The following CACNB2 variants were observed in gnomAD, a reference collection of about 807,000 sequenced individuals.
CACNB2 encodes the protein voltage-dependent L-type calcium channel subunit beta-2.
CACNB2 carries 42 observed loss-of-function variants against 73.3 expected under a neutral mutation model. The ratio of observed to expected loss-of-function variants is 0.57; its 90% CI spans 0.45 to 0.74. The LOEUF is 0.74. Among genes scored for constraint, CACNB2 ranks in the 30% least tolerant of loss-of-function variants. CACNB2 has a pLI of 0.00. For synonymous variants in CACNB2, 348 were observed against 310.3 expected (o/e 1.12, Z -1.28); for missense variants, 940 against 853.0 (o/e 1.10, Z -1.27).
At position 18,299,067 on chromosome 10, in the gene CACNB2, T is replaced by TTA. The variant is rs1319273329; in HGVS notation, c.214-102857_214-102856insTA. Among the ~76,000 whole-genome samples the TTA allele has an allele frequency of 9.9e-4, 120 of 120,980 alleles. 1 individual carries two copies. Among genetic ancestry groups the TTA allele is most frequent in the African/African-American group, 3.9e-3 (118 of 30,154 alleles). The allele number at this position is 120,980 out of a possible 152,430, so 79.4% of individuals were successfully genotyped here. ...ATGTACCCTAAAACTTAAAGTATAC[T>TTA]AAAAAAAAAAAAATAAAAAATAAAA... On this transcript the variant is annotated intron_variant, in intron 2 of 13. Transcript: ENST00000324631.
intron 3 of CACNB2, among the ~76,000 whole-genome samples, chr10:18,425,465 C>G (rs558324487): frequency 1.9e-4 from 29 of 152,244 alleles, no homozygotes; most frequent in South Asian, 1.5e-3. Flanking sequence ...TGAGGAATTT[C>G]AAACCAGCCC....
chr10:18,319,302 A>G (rs920030274), intron 2 of CACNB2, among the ~76,000 whole-genome samples: 4 of 152,222 alleles, frequency 2.6e-5, no homozygotes, highest in Admixed American at 6.5e-5. Context: ...TTTCAGGGAC[A>G]TGGATGGAGC....
chr10:18,386,918 C>T (rs972755622), intron 2 of CACNB2, among the ~76,000 whole-genome samples: 29 of 152,190 alleles, frequency 1.9e-4, no homozygotes, highest in African/African-American at 7.0e-4. Context: ...GATGAAGGAT[C>T]ATGAAAGTTG....
chr10:18,417,014 A>T (rs1237628624), intron 3 of CACNB2, among the ~76,000 whole-genome samples: 1 of 150,900 alleles, frequency 6.6e-6, no homozygotes, highest in Non-Finnish European at 1.5e-5. Context: ...ACACAGGCTT[A>T]TGAAAGCAGA....
At chr10:18,427,253 T>C (rs1210909380) in intron 3 of CACNB2, among the ~76,000 whole-genome samples, 1 of 152,210 alleles carries the variant, frequency 6.6e-6, no homozygotes, top group East Asian at 1.9e-4. Flanking sequence ...TTTGTTGAAT[T>C]TCTTATTGCG....
At chr10:18,444,039 G>A (rs1254818960) in intron 3 of CACNB2, among the ~76,000 whole-genome samples, 3 of 152,084 alleles carry the variant, frequency 2.0e-5, no homozygotes, top group African/African-American at 7.2e-5. Flanking sequence ...ACTAGACCCT[G>A]AAAAAGGATC....
Position 18,376,338 on chromosome 10 carries a change from C to A in CACNB2, c.214-25586C>A, listed in dbSNP as rs1310395267. On this transcript the variant is annotated intron_variant, in intron 2 of 13. Coordinates refer to ENST00000324631, the MANE Select transcript of CACNB2 (RefSeq NM_201596.3). ...TGGAGATAGAGAGTAGAAGCATGTA[C>A]CAGAGACTGGGAAAGGTTGTGGTAG... 3.9e-5 allele frequency among the ~76,000 whole-genome samples: 6 copies of A among 151,962 alleles called. No homozygotes were observed. The East Asian group carries it at 9.6e-4, about 24-fold the overall frequency.
intron 3 of CACNB2, among the ~76,000 whole-genome samples, chr10:18,418,119 G>A (rs66677106): frequency 0.29 from 44,608 of 152,110 alleles, 6,969 homozygotes; most frequent in Middle Eastern, 0.42. Flanking sequence ...TCTGTCGCCA[G>A]GCTGGAGTGC....
At chr10:18,377,531 G>T (rs1301885504) in intron 2 of CACNB2, among the ~76,000 whole-genome samples, 1 of 152,178 alleles carries the variant, frequency 6.6e-6, no homozygotes, top group East Asian at 1.9e-4. Flanking sequence ...CAATAAAATT[G>T]TATTTAGGGA....
At chr10:18,218,315 A>G (rs961654929) in intron 2 of CACNB2, among the ~76,000 whole-genome samples, 1 of 152,162 alleles carries the variant, frequency 6.6e-6, no homozygotes, top group Admixed American at 6.5e-5. Flanking sequence ...TAAGTCAGAC[A>G]GACGAACTGA....
chr10:18,299,146 T>C (rs535498062), intron 2 of CACNB2, among the ~76,000 whole-genome samples: 1 of 148,342 alleles, frequency 6.7e-6, no homozygotes, highest in Non-Finnish European at 1.5e-5. Context: ...AGTTACCAAG[T>C]AAATATTAAC....
intron 2 of CACNB2, among the ~76,000 whole-genome samples, chr10:18,318,029 C>A (rs914512144): frequency 1.3e-5 from 2 of 152,128 alleles, no homozygotes; most frequent in Non-Finnish European, 2.9e-5. Flanking sequence ...GATTCAATAT[C>A]GTGAAAATGG....
intron 2 of CACNB2, among the ~76,000 whole-genome samples, chr10:18,284,235 C>G (rs2038688476): frequency 1.3e-5 from 2 of 152,114 alleles, no homozygotes; most frequent in Admixed American, 6.5e-5. Flanking sequence ...CAGGGAAACT[C>G]CCTCTTAAAA....
rs1229422092 is a variant in CACNB2, at chr10:18,542,583, C to G, written c.*2859C>G. On this transcript the variant is annotated 3_prime_UTR_variant, in exon 14 of 14. Coordinates refer to ENST00000324631, the MANE Select transcript of CACNB2 (RefSeq NM_201596.3). ...ATCTTTTTTATTTTGTATCTAGATTCTTAGCTTGCACTTTACTGTAGAACA... is the reference window on the plus strand; with the variant it reads ...ATCTTTTTTATTTTGTATCTAGATTGTTAGCTTGCACTTTACTGTAGAACA... 5.9e-5 allele frequency: 9 copies of G among 152,092 alleles called. No individual in the cohort carries two copies. Among genetic ancestry groups the G allele is most frequent in the Admixed American group, 5.9e-4 (9 of 15,268 alleles). 9.4% of individuals were successfully genotyped at this position (152,092 alleles called of 1,614,324 possible).
chr10:18,521,046 G>A (rs1176662156), intron 9 of CACNB2, among the ~76,000 whole-genome samples: 1 of 152,222 alleles, frequency 6.6e-6, no homozygotes, highest in Admixed American at 6.5e-5. Context: ...TACTCAACAT[G>A]AGCAGTGGCC....
intron 2 of CACNB2, among the ~76,000 whole-genome samples, chr10:18,152,691 G>T (rs1171375315): frequency 8.2e-6 from 1 of 121,464 alleles, no homozygotes; most frequent in East Asian, 2.6e-4. Context: ...GAGTCATCAT[G>T]CAGGACCTGA....
At chr10:18,408,231 CTTTT>C (rs71402161) in intron 3 of CACNB2, among the ~76,000 whole-genome samples, 20,512 of 77,058 alleles carry the variant, frequency 0.27, 1,339 homozygotes, top group East Asian at 0.53. Context: ...CTATCCCTGA[CTTTT>C]TTTTTTTTTT....
In CACNB2 at chr10:18,536,267, TTTTTTTGG is replaced by T. The variant is rs377748364; in HGVS notation, c.1302+72_1302+79del. The T allele has an allele frequency of 9.4e-3, 3,825 of 406,604 alleles. 552 individuals are homozygous for T. The highest frequency in any genetic ancestry group is 0.019 in the African/African-American group (552 of 29,672). The allele number at this position is 406,604 out of a possible 1,614,324, so 25.2% of individuals were successfully genotyped here. ...CCTTTTTTTTTTTTTTTTTTTTTTT[TTTTTTTGG>T]GGGACAAGGTCTTGCTCTGTTGCCC... On this transcript the variant is annotated intron_variant, in intron 12 of 13. Coordinates refer to ENST00000324631, the MANE Select transcript of CACNB2 (RefSeq NM_201596.3).
chr10:18,536,007 T>G (rs1391422898), intron 11 of CACNB2, 94 bp from the exon 12 acceptor site: 6 of 744,940 alleles, frequency 8.1e-6, no homozygotes, highest in Non-Finnish European at 1.5e-5. Flanking sequence ...TTGTGCTGTA[T>G]ATAAAAAGGC....
Sources: gnomAD v4.1 joint callset for allele counts (sites outside exome capture counted in the v4.1 genomes callset) on GRCh38, gnomAD v4.1.1 for gene constraint, MANE v1.5 for transcripts, NCBI Gene and HGNC (gene_info 2026-07-23, HGNC 2026-07-21) for gene names.